The following STYXL2 variants were observed in gnomAD, a reference collection of about 807,000 sequenced individuals.
STYXL2 encodes serine/threonine/tyrosine-interacting-like protein 2.
A neutral mutation model predicts 52.4 loss-of-function variants in STYXL2; 44 were observed. That is an observed-to-expected ratio of 0.84 (90% confidence interval 0.66 to 1.08). STYXL2 has a LOEUF of 1.08. STYXL2 is among the 50% of genes least tolerant of loss of function. The pLI, the probability that STYXL2 is intolerant of heterozygous loss-of-function variation, is 0.00. For missense variants in STYXL2, 1,604 were observed against 1,471.7 expected (o/e 1.09, Z -1.47); for synonymous variants, 604 against 586.9 (o/e 1.03, Z -0.42).
chr1:167,113,429 C>T (rs1667656896), intron 2 of STYXL2, among the ~76,000 whole-genome samples: 1 of 152,160 alleles, frequency 6.6e-6, no homozygotes, highest in South Asian at 2.1e-4. Flanking sequence ...GGTGGGTTCC[C>T]CCAAGCGTAG....
chr1:167,095,016 G>A, intron 2 of STYXL2, 57 bp downstream of exon 2: 1 of 1,380,284 alleles, frequency 7.2e-7, no homozygotes, highest in Non-Finnish European at 1.0e-6. Context: ...GCTGGGGACA[G>A]GTTGGGCCAT....
intron 3 of STYXL2, among the ~76,000 whole-genome samples, chr1:167,116,615 A>T (rs1667727336): frequency 6.7e-6 from 1 of 148,942 alleles, no homozygotes; most frequent in African/African-American, 2.5e-5. Context: ...AATGCCATTC[A>T]CTCATTTGGT....
chr1:167,117,528 G>C lies in STYXL2; in HGVS notation c.406G>C (p.Glu136Gln), dbSNP rs758812932. ...AGAGGCGCCCTGGAATGAGGTGGAT[G>C]AGGTCTGGCCCAATGTCTTCATAGC... ...RQEAPWNEVD[E>Q]VWPNVFIAEK... Residue 136 changes from glutamate (E) to glutamine (Q), a missense_variant, in exon 4 of 6, where the codon GAG becomes CAG. Coordinates refer to ENST00000361200, the MANE Select transcript of STYXL2 (RefSeq NM_001080426.3). The C allele has an allele frequency of 5.6e-6, 9 of 1,607,374 alleles. No homozygotes were observed. In the South Asian group the frequency reaches 1.0e-4, roughly 18 times the overall value.
intron 2 of STYXL2, among the ~76,000 whole-genome samples, chr1:167,098,401 A>G (rs1391283359): frequency 6.6e-6 from 1 of 151,956 alleles, no homozygotes; most frequent in Non-Finnish European, 1.5e-5. Context: ...GCTTGAGCCC[A>G]GGAATTCAAG....
In STYXL2 at chr1:167,126,681, A is replaced by C. The variant is rs766329128; in HGVS notation, c.1550A>C (p.Glu517Ala). ...TCAGAAGCAGGGAGCAGGGTGCGGG[A>C]GGATGATGAGGACAGCGTGGGCTCT... ...RSSEAGSRVR[E>A]DDEDSVGSEA... Residue 517 changes from glutamate to alanine, a missense_variant, in exon 6 of 6, where the codon GAG (glutamate) becomes GCG (alanine). Glu to Ala is a moderately radical substitution (Grantham distance 107). Transcript: ENST00000361200. 1.9e-6 allele frequency: 3 copies of C among 1,614,046 alleles called. No homozygotes were observed. The highest frequency in any genetic ancestry group is 2.5e-6 in the Non-Finnish European group (3 of 1,180,028).
At chr1:167,112,435 CAA>C (rs1667638934) in intron 2 of STYXL2, among the ~76,000 whole-genome samples, 2 of 152,234 alleles carry the variant, frequency 1.3e-5, no homozygotes, top group Non-Finnish European at 2.9e-5. Context: ...TGTCTCAGCT[CAA>C]GTTAGCTTTG....
chr1:167,119,531 T>A, intron 5 of STYXL2, 65 bp downstream of exon 5: 1 of 1,431,006 alleles, frequency 7.0e-7, no homozygotes, highest in Non-Finnish European at 9.7e-7. Context: ...TGGGGAATGT[T>A]ATGAAAACCT....
chr1:167,117,498 C>A lies in STYXL2; in HGVS notation c.376C>A (p.Arg126Ser). 6.2e-7 allele frequency: 1 copy of A among 1,611,136 alleles called. No individual in the cohort carries two copies. The highest frequency in any genetic ancestry group is 8.5e-7 in the Non-Finnish European group (1 of 1,178,752). ...LDLQRALVQDRQEAPWNEVDE... is the reference protein window; with the variant it reads ...LDLQRALVQDSQEAPWNEVDE... ...CCTACAGCGGGCCCTGGTTCAGGAT[C>A]GCCAAGAGGCGCCCTGGAATGAGGT... The change falls in exon 4 of 6, where the codon CGC becomes AGC. Residue 126 changes from arginine to serine, a missense_variant. Arg to Ser is a moderately radical substitution (Grantham distance 110, BLOSUM62 -1). Coordinates refer to ENST00000361200, the MANE Select transcript of STYXL2 (RefSeq NM_001080426.3).
At chr1:167,117,030 A>C (rs1470778399) in intron 3 of STYXL2, among the ~76,000 whole-genome samples, 2 of 152,206 alleles carry the variant, frequency 1.3e-5, no homozygotes, top group Non-Finnish European at 2.9e-5. Flanking sequence ...CTAATACTTA[A>C]GGAACTTGGT....
At chr1:167,094,812 C>G in intron 1 of STYXL2, 22 bp from the exon 2 acceptor site, 2 of 1,564,182 alleles carry the variant, frequency 1.3e-6, no homozygotes, top group Non-Finnish European at 1.7e-6. Context: ...CCCTAACTGC[C>G]TTTTTCTTGC....
In STYXL2 at chr1:167,128,560, C is replaced by T. The variant is rs749292340; in HGVS notation, c.3429C>T (p.Arg1143=). ...DDEAIIAAWR[R]RQEETRTKLQ... ...AAGCCATCATTGCTGCTTGGAGACGCCGGCAAGAAGAAACCAGGACCAAGC... is the reference window on the plus strand; with the variant it reads ...AAGCCATCATTGCTGCTTGGAGACGTCGGCAAGAAGAAACCAGGACCAAGC... The change falls in exon 6 of 6, where the codon CGC becomes CGT. Residue 1143 remains arginine, a synonymous_variant. Transcript: ENST00000361200. The T allele has an allele frequency of 6.2e-7, 1 of 1,613,550 alleles. No homozygotes were observed. The highest frequency in any genetic ancestry group is 1.1e-5 in the South Asian group (1 of 91,034).
intron 5 of STYXL2, among the ~76,000 whole-genome samples, chr1:167,123,224 A>C (rs778951589): frequency 6.6e-6 from 1 of 152,176 alleles, no homozygotes; most frequent in Non-Finnish European, 1.5e-5. Context: ...GCTGCTTTGG[A>C]TGAAGTGGGT....
At chr1:167,097,030 A>G (rs996240761) in intron 2 of STYXL2, among the ~76,000 whole-genome samples, 10 of 152,244 alleles carry the variant, frequency 6.6e-5, no homozygotes, top group Admixed American at 5.2e-4. Context: ...CTGCTGTCAT[A>G]TCATTAATGA....
chr1:167,117,457 CGCCCTGTGTCCTGGACCTACAGCGG>C lies in STYXL2; in HGVS notation c.342_366del (p.Cys114TrpfsTer22), dbSNP rs1440287945. The C allele has an allele frequency of 6.2e-7, 1 of 1,612,492 alleles. No individual in the cohort carries two copies. Among genetic ancestry groups the C allele is most frequent in the Non-Finnish European group, 8.5e-7 (1 of 1,179,434 alleles). ...ATGGATGACACCAGCCTCTATAATA[CGCCCTGTGTCCTGGACCTACAGCGG>C]GCCCTGGTTCAGGATCGCCAAGAGG... On this transcript the variant is annotated frameshift_variant, in exon 4 of 6. Transcript: ENST00000361200. LOFTEE classifies it high-confidence loss of function.
intron 3 of STYXL2, among the ~76,000 whole-genome samples, chr1:167,115,627 A>G (rs545021293): frequency 1.3e-5 from 2 of 152,278 alleles, no homozygotes; most frequent in East Asian, 3.9e-4. Flanking sequence ...GTAGTAAGGG[A>G]AAGACATCTA....
intron 2 of STYXL2, among the ~76,000 whole-genome samples, chr1:167,103,671 T>C (rs1667447102): frequency 6.6e-6 from 1 of 152,138 alleles, no homozygotes; most frequent in African/African-American, 2.4e-5. Flanking sequence ...CGGTTAGAGA[T>C]TCATCCATCT....
chr1:167,113,453 C>G (rs1163740285), intron 2 of STYXL2, among the ~76,000 whole-genome samples: 1 of 152,242 alleles, frequency 6.6e-6, no homozygotes. Flanking sequence ...TACGCTCTTG[C>G]CTCCACAACA....
intron 2 of STYXL2, among the ~76,000 whole-genome samples, chr1:167,099,181 A>C (rs1667352693): frequency 1.3e-5 from 2 of 152,178 alleles, no homozygotes; most frequent in Admixed American, 6.5e-5. Context: ...AAGGCAAAAA[A>C]CTGACAGAAC....
chr1:167,110,170 G>A (rs1175268563), intron 2 of STYXL2, among the ~76,000 whole-genome samples: 3 of 152,210 alleles, frequency 2.0e-5, no homozygotes, highest in African/African-American at 7.2e-5. Flanking sequence ...TCTAGTGGAA[G>A]GAGGAGAGCA....
Sources: allele counts gnomAD v4.1 joint callset (sites outside exome capture counted in the v4.1 genomes callset), GRCh38; gene constraint gnomAD v4.1.1; transcripts MANE v1.5; gene names NCBI Gene and HGNC (gene_info 2026-07-23, HGNC 2026-07-21).